The following CTNNAL1 variants were observed in gnomAD, a reference collection of about 807,000 sequenced individuals.
CTNNAL1 encodes the protein catenin alpha like 1, also known as alpha-catulin.
In CTNNAL1, 69 loss-of-function variants were observed where a neutral mutation model predicts 93.6. That is an observed-to-expected ratio of 0.74 (90% CI 0.61 to 0.90). The LOEUF is 0.90. Among genes scored for constraint, CTNNAL1 ranks in the 40% least tolerant of loss-of-function variants. CTNNAL1 has a pLI of 0.00. For synonymous variants in CTNNAL1, 286 were observed against 305.4 expected (o/e 0.94, Z 0.66); for missense variants, 836 against 862.0 (o/e 0.97, Z 0.38).
At chr9:108,983,563 T>A (rs192874421) in intron 5 of CTNNAL1, among the ~76,000 whole-genome samples, 57 of 152,302 alleles carry the variant, frequency 3.7e-4, no homozygotes, top group African/African-American at 1.4e-3. Context: ...TACTTAAAAA[T>A]TTTTTAGGAA....
chr9:108,964,182 C>CA (rs1425330183), intron 11 of CTNNAL1, among the ~76,000 whole-genome samples: 1 of 152,136 alleles, frequency 6.6e-6, no homozygotes, highest in Non-Finnish European at 1.5e-5. Context: ...TTCAGACTAT[C>CA]ACAGAAATTT....
intron 8 of CTNNAL1, among the ~76,000 whole-genome samples, chr9:108,974,767 C>T (rs994227770): frequency 1.3e-5 from 2 of 152,160 alleles, no homozygotes; most frequent in Non-Finnish European, 2.9e-5. Flanking sequence ...GTCAAGGCTG[C>T]AGTGAGCCAT....
At chr9:108,944,155 CTT>C (rs956773574) in intron 15 of CTNNAL1, 137 bp from the exon 16 acceptor site, 1 of 797,138 alleles carries the variant, frequency 1.3e-6, no homozygotes, top group African/African-American at 1.7e-5. Context: ...AACTCCTAAA[CTT>C]TTTCCAGTAC....
rs377052710 is a variant in CTNNAL1 at position 108,952,478 on chromosome 9, A to T, written c.1646T>A (p.Leu549Gln). The T allele has an allele frequency of 1.1e-4, 171 of 1,614,070 alleles. No individual in the cohort carries two copies. Among genetic ancestry groups the T allele is most frequent in the Non-Finnish European group, 1.3e-4 (157 of 1,180,044 alleles). Reference sequence around the variant, plus strand: ...AGGCTTGTCTGGCTTTAATGATTTCAGGTTTGCATTATTCTTCTGTGACAA... The same window carrying T: ...AGGCTTGTCTGGCTTTAATGATTTCTGGTTTGCATTATTCTTCTGTGACAA... ...LPKPMKNNAN[L>Q]KSLKPDKPDS... The change falls in exon 13 of 19, where the codon CTG (leucine) becomes CAG (glutamine). Residue 549 changes from leucine (L) to glutamine (Q), a missense_variant. By Grantham distance (113) the Leu-to-Gln change is moderately radical. Coordinates refer to ENST00000325551, the MANE Select transcript of CTNNAL1 (RefSeq NM_003798.4).
At chr9:108,986,719 T>G (rs1176517167) in intron 4 of CTNNAL1, among the ~76,000 whole-genome samples, 27 of 152,252 alleles carry the variant, frequency 1.8e-4, no homozygotes, top group Admixed American at 4.6e-4. Context: ...TGATTGCCAT[T>G]CTAACTGGTG....
chr9:108,967,913 T>C lies in CTNNAL1; in HGVS notation c.1441-2385A>G, dbSNP rs12000247. 2.7e-3 allele frequency among the ~76,000 whole-genome samples: 404 copies of C among 152,310 alleles called. 2 individuals are homozygous for C. The highest frequency in any genetic ancestry group is 9.2e-3 in the African/African-American group (381 of 41,542). ...GCCATGTTAGCTAATATATTAATAG[T>C]TGGTACCTTTGAATGAATTACAGGG... On this transcript the variant is annotated intron_variant, in intron 10 of 18. Coordinates refer to ENST00000325551, the MANE Select transcript of CTNNAL1 (RefSeq NM_003798.4).
chr9:108,978,035 T>G (rs1357934670), intron 7 of CTNNAL1, among the ~76,000 whole-genome samples: 1 of 152,190 alleles, frequency 6.6e-6, no homozygotes, highest in East Asian at 1.9e-4. Flanking sequence ...GAGATCTGAG[T>G]GCTTGTGAAA....
intron 10 of CTNNAL1, among the ~76,000 whole-genome samples, chr9:108,967,629 G>C (rs1830995760): frequency 6.6e-6 from 1 of 152,168 alleles, no homozygotes; most frequent in Non-Finnish European, 1.5e-5. Flanking sequence ...AGGGGATTAG[G>C]TGGTCACAGT....
At chr9:108,957,174 A>G (rs1417265041) in intron 11 of CTNNAL1, among the ~76,000 whole-genome samples, 1 of 132,354 alleles carries the variant, frequency 7.6e-6, no homozygotes, top group Non-Finnish European at 1.5e-5. Context: ...GCTGGAGTGT[A>G]GTGGTGGAGA....
chr9:108,999,115 C>A lies in CTNNAL1; in HGVS notation c.283G>T (p.Asp95Tyr). 6.2e-7 allele frequency: 1 copy of A among 1,612,158 alleles called. No individual in the cohort carries two copies. Among genetic ancestry groups the A allele is most frequent in the African/African-American group, 1.3e-5 (1 of 74,950 alleles). The change falls in exon 2 of 19, where the codon GAT becomes TAT. Residue 95 changes from aspartate to tyrosine, a missense_variant. Asp to Tyr is a radical substitution (Grantham distance 160). Coordinates refer to ENST00000325551, the MANE Select transcript of CTNNAL1 (RefSeq NM_003798.4). ...GCAATATTTATTTCTTCTTTCAAATCCCAGTTTTCATTGGCTATAGCTTCT... is the reference window on the plus strand; with the variant it reads ...GCAATATTTATTTCTTCTTTCAAATACCAGTTTTCATTGGCTATAGCTTCT... ...VGEAIANENWDLKEEINIACI... is the reference protein window; with the variant it reads ...VGEAIANENWYLKEEINIACI...
At chr9:108,970,378 A>G in intron 10 of CTNNAL1, 24 bp downstream of exon 10, 1 of 1,596,784 alleles carries the variant, frequency 6.3e-7, no homozygotes, top group Non-Finnish European at 8.5e-7. Flanking sequence ...ACAATACAGA[A>G]GGAGCAATCT....
At chr9:108,984,253 A>G (rs965738567) in intron 5 of CTNNAL1, 94 bp downstream of exon 5, 1 of 717,806 alleles carries the variant, frequency 1.4e-6, no homozygotes, top group African/African-American at 1.8e-5. Flanking sequence ...AATCACTTTG[A>G]TCTTTTTTAA....
intron 8 of CTNNAL1, among the ~76,000 whole-genome samples, chr9:108,973,827 T>A (rs1831187019): frequency 6.6e-6 from 1 of 152,160 alleles, no homozygotes; most frequent in Non-Finnish European, 1.5e-5. Context: ...AGTAATCCAA[T>A]CTCAATTCAA....
chr9:108,948,077 G>A (rs2132084219), intron 15 of CTNNAL1, 109 bp downstream of exon 15: 2 of 1,230,060 alleles, frequency 1.6e-6, no homozygotes, highest in Non-Finnish European at 2.3e-6. Flanking sequence ...ACACAGGTAG[G>A]TACAGATGTA....
At chr9:108,948,129 A>G (rs1405641147) in intron 15 of CTNNAL1, 57 bp downstream of exon 15, 3 of 1,565,536 alleles carry the variant, frequency 1.9e-6, no homozygotes, top group Non-Finnish European at 2.6e-6. Flanking sequence ...GAAAACATTT[A>G]TTACCCACTT....
At chr9:108,972,040 C>A (rs1056029493) in intron 9 of CTNNAL1, among the ~76,000 whole-genome samples, 4 of 152,146 alleles carry the variant, frequency 2.6e-5, no homozygotes, top group Non-Finnish European at 4.4e-5. Context: ...CAATGGGAAG[C>A]CCCATCCACA....
intron 4 of CTNNAL1, among the ~76,000 whole-genome samples, chr9:108,989,848 G>A (rs187229834): frequency 2.0e-5 from 3 of 152,070 alleles, no homozygotes; most frequent in African/African-American, 4.8e-5. Context: ...TTAGGAGTTC[G>A]AGACCAGCCT....
chr9:108,952,063 C>T (rs559921348), intron 14 of CTNNAL1, 146 bp downstream of exon 14: 30 of 624,478 alleles, frequency 4.8e-5, no homozygotes, highest in Middle Eastern at 4.3e-4. Flanking sequence ...CATTCACTTA[C>T]GTAAATTGTC....
chr9:108,944,572 A>G (rs1402886769), intron 15 of CTNNAL1, among the ~76,000 whole-genome samples: 1 of 152,206 alleles, frequency 6.6e-6, no homozygotes, highest in Non-Finnish European at 1.5e-5. Flanking sequence ...TAATGAGATG[A>G]ACAGGATGAT....
Sources: gnomAD v4.1 joint callset for allele counts (sites outside exome capture counted in the v4.1 genomes callset) on GRCh38, gnomAD v4.1.1 for gene constraint, MANE v1.5 for transcripts, NCBI Gene and HGNC (gene_info 2026-07-23, HGNC 2026-07-21) for gene names.